CDH18: variants seen among roughly 807,000 people sequenced by gnomAD.
CDH18 encodes cadherin 18.
In CDH18, 31 loss-of-function variants were observed where a neutral mutation model predicts 67.9. That is an observed-to-expected ratio of 0.46 (90% CI 0.34 to 0.62). The LOEUF is 0.62. Among genes scored for constraint, CDH18 ranks in the 20% least tolerant of loss-of-function variants. The pLI is 0.01. For synonymous variants in CDH18, 362 were observed against 347.2 expected, an observed-to-expected ratio of 1.04 and a Z score of -0.48; for missense variants, 890 against 975.5, an observed-to-expected ratio of 0.91 and a Z score of 1.17.
intron 1 of CDH18, among the ~76,000 whole-genome samples, chr5:20,373,423 G>C (rs1743163821): frequency 1.3e-5 from 2 of 152,042 alleles, no homozygotes; most frequent in South Asian, 2.1e-4. Flanking sequence ...ACTGTACCAA[G>C]ATTTCTAGTC....
At chr5:20,305,017 A>C in intron 1 of CDH18, 1 of 1,612,760 alleles carries the variant, frequency 6.2e-7, no homozygotes, top group South Asian at 1.1e-5. Context: ...ACTGGAAGCA[A>C]GGCCAGAGGA....
intron 11 of CDH18, among the ~76,000 whole-genome samples, chr5:19,486,280 AAT>A (rs1334748448): frequency 6.6e-6 from 1 of 150,498 alleles, no homozygotes; most frequent in African/African-American, 2.4e-5. Context: ...AGGAAGAAGA[AAT>A]ATATATATAT....
Position 20,365,088 on chromosome 5 carries a change from G to A in CDH18, c.-579-109583C>T, listed in dbSNP as rs75749848. Among the ~76,000 whole-genome samples, 594 of 152,246 alleles carry A rather than the reference G, an allele frequency of 3.9e-3. 2 individuals carry two copies. The highest frequency in any genetic ancestry group is 0.014 in the Middle Eastern group (4 of 294). On this transcript the variant is annotated intron_variant, in intron 1 of 14. Coordinates refer to the CDH18 transcript ENST00000507958. ...CTGCTATCACAAAATATCACAGACC[G>A]GATGATTTAAACAGCAAAAATTTAC...
chr5:20,123,606 C>T lies in CDH18; in HGVS notation c.-517-131592G>A, dbSNP rs146205205. Among the ~76,000 whole-genome samples, 572 of 152,146 alleles carry T rather than the reference C, an allele frequency of 3.8e-3. 5 individuals carry two copies. The highest frequency in any genetic ancestry group is 0.013 in the African/African-American group (539 of 41,528). On this transcript the variant is annotated intron_variant, in intron 2 of 14. Coordinates refer to the CDH18 transcript ENST00000507958. ...CCATTAAAGAATTTACAGGTCGGCC[C>T]GGCGCGGTGGCTCACTCACGCCTGT...
At chr5:19,653,924 A>T (rs75479330) in intron 5 of CDH18, among the ~76,000 whole-genome samples, 1,535 of 152,250 alleles carry the variant, frequency 0.01, 24 homozygotes, top group African/African-American at 0.036. Flanking sequence ...CTCACCAATA[A>T]GGCCCTCTTT....
chr5:20,458,621 AAAC>A (rs1397953765), intron 1 of CDH18, among the ~76,000 whole-genome samples: 5 of 152,186 alleles, frequency 3.3e-5, no homozygotes, highest in Admixed American at 1.3e-4. Context: ...TTGTCTCAAA[AAAC>A]AACAACAAGA....
chr5:19,505,349 A>G (rs909756445), intron 10 of CDH18, among the ~76,000 whole-genome samples: 2 of 152,092 alleles, frequency 1.3e-5, no homozygotes, highest in Admixed American at 1.3e-4. Context: ...AACTTCCAAC[A>G]CTATGTTGAA....
chr5:19,984,180 T>C (rs1799331361), intron 1 of CDH18, among the ~76,000 whole-genome samples: 1 of 152,042 alleles, frequency 6.6e-6, no homozygotes, highest in African/African-American at 2.4e-5. Flanking sequence ...TTTATGTGAC[T>C]GTATGCCTCT....
In CDH18 at chr5:19,956,063, G is replaced by A. The variant is rs574281379; in HGVS notation, c.-257+24997C>T. Among the ~76,000 whole-genome samples the A allele has an allele frequency of 5.3e-5, 8 of 152,054 alleles. No homozygotes were observed. The South Asian group carries it at 1.7e-3, about 32-fold the overall frequency. ...ACATGATATTTTCATAGTAGTTAGT[G>A]AAAACTGATTTTATAGTATCTTTAT... On this transcript the variant is annotated intron_variant, in intron 2 of 12. Coordinates refer to ENST00000382275, the MANE Select transcript of CDH18 (RefSeq NM_004934.5).
intron 2 of CDH18, among the ~76,000 whole-genome samples, chr5:20,066,705 A>C (rs2150517831): frequency 6.6e-6 from 1 of 152,176 alleles, no homozygotes; most frequent in African/African-American, 2.4e-5. Flanking sequence ...AAGAAAAAGT[A>C]GGTATATAGA....
At position 19,830,394 on chromosome 5, in the gene CDH18, T is replaced by G. The variant is rs529069300; in HGVS notation, c.228+8365A>C. 4.6e-5 allele frequency among the ~76,000 whole-genome samples: 7 copies of G among 152,104 alleles called. No individual in the cohort carries two copies. The East Asian group carries it at 1.3e-3, about 29-fold the overall frequency. On this transcript the variant is annotated intron_variant, in intron 3 of 12. Transcript: ENST00000382275. ...AAAGTGGGCAAAAGACACAGACATT[T>G]TCAAAAGAAGACATATACCCAGCCA...
chr5:20,450,471 A>G (rs1241390848), intron 1 of CDH18, among the ~76,000 whole-genome samples: 1 of 152,166 alleles, frequency 6.6e-6, no homozygotes, highest in Non-Finnish European at 1.5e-5. Context: ...CTTTATATTA[A>G]TTCCTTTAAT....
chr5:19,835,481 A>AT (rs907282588), intron 3 of CDH18, among the ~76,000 whole-genome samples: 2 of 151,470 alleles, frequency 1.3e-5, no homozygotes, highest in East Asian at 1.9e-4. Flanking sequence ...GTTTCTCTGT[A>AT]TTTTTTTAGA....
intron 2 of CDH18, among the ~76,000 whole-genome samples, chr5:20,190,312 T>C (rs1738436763): frequency 1.3e-5 from 2 of 152,152 alleles, no homozygotes; most frequent in Admixed American, 1.3e-4. Flanking sequence ...GAACTACTCA[T>C]TTCTGAGTCA....
chr5:20,491,591 G>T (rs2126388025), intron 1 of CDH18, among the ~76,000 whole-genome samples: 1 of 152,252 alleles, frequency 6.6e-6, no homozygotes, highest in African/African-American at 2.4e-5. Flanking sequence ...GACTCAGGAA[G>T]CAACCAGTGT....
At chr5:20,381,686 G>T (rs1743919510) in intron 1 of CDH18, among the ~76,000 whole-genome samples, 1 of 152,064 alleles carries the variant, frequency 6.6e-6, no homozygotes, top group African/African-American at 2.4e-5. Context: ...TAAAATAAAT[G>T]AGAGTCTCCA....
intron 5 of CDH18, among the ~76,000 whole-genome samples, chr5:19,711,932 A>C (rs1764756652): frequency 6.6e-6 from 1 of 152,146 alleles, no homozygotes; most frequent in South Asian, 2.1e-4. Context: ...GGATGACTGG[A>C]TAAACAAAAT....
chr5:19,576,061 C>T (rs963715061), intron 7 of CDH18, among the ~76,000 whole-genome samples: 3 of 152,004 alleles, frequency 2.0e-5, no homozygotes, highest in Non-Finnish European at 4.4e-5. Flanking sequence ...GAGCTACAGA[C>T]TCAGAGAGGA....
chr5:20,311,431 T>C (rs1736980204), intron 1 of CDH18, among the ~76,000 whole-genome samples: 1 of 151,952 alleles, frequency 6.6e-6, no homozygotes, highest in Non-Finnish European at 1.5e-5. Context: ...ATAAAGAAAA[T>C]GTGGCACATA....
Sources: allele counts gnomAD v4.1 joint callset (sites outside exome capture counted in the v4.1 genomes callset), GRCh38; gene constraint gnomAD v4.1.1; transcripts MANE v1.5; gene names NCBI Gene and HGNC (gene_info 2026-07-23, HGNC 2026-07-21).